FOCAD: variants seen among roughly 807,000 people sequenced by gnomAD.
FOCAD encodes focadhesin.
A neutral mutation model predicts 225.6 loss-of-function variants in FOCAD; 198 were observed. The ratio of observed to expected loss-of-function variants is 0.88; its 90% CI spans 0.78 to 0.99. FOCAD has a LOEUF of 0.99. FOCAD is among the 50% of genes least tolerant of loss of function. The probability of loss-of-function intolerance (pLI) is 0.00; values close to 1 mark genes in which losing one functional copy is unlikely to be tolerated. For synonymous variants in FOCAD, 897 were observed against 755.0 expected, an observed-to-expected ratio of 1.19 and a Z score of -3.08; for missense variants, 2,713 against 2,123.6, an observed-to-expected ratio of 1.28 and a Z score of -5.46.
At chr9:20,913,069 G>A in intron 23 of FOCAD, 115 bp downstream of exon 23, 1 of 751,986 alleles carries the variant, frequency 1.3e-6, no homozygotes, top group Non-Finnish European at 2.2e-6. Context: ...ATGTGAGCCT[G>A]AAGGGGAAAT....
At chr9:20,696,917 A>G (rs931511918) in intron 1 of FOCAD, among the ~76,000 whole-genome samples, 1 of 152,178 alleles carries the variant, frequency 6.6e-6, no homozygotes, top group Admixed American at 6.5e-5. Context: ...ATTGGTGCCA[A>G]TGTAAAAGTC....
intron 4 of FOCAD, among the ~76,000 whole-genome samples, chr9:20,739,898 A>G (rs927863954): frequency 6.6e-6 from 1 of 152,114 alleles, no homozygotes; most frequent in Non-Finnish European, 1.5e-5. Flanking sequence ...GCTAATATTT[A>G]TAAATGAAAT....
chr9:20,915,419 A>G (rs111973302), intron 23 of FOCAD, among the ~76,000 whole-genome samples: 29 of 152,306 alleles, frequency 1.9e-4, no homozygotes, highest in African/African-American at 6.5e-4. Context: ...CTTAAAAGCC[A>G]AGGAAAGAAG....
chr9:20,929,652 T>C, intron 27 of FOCAD, 56 bp downstream of exon 27: 1 of 1,488,710 alleles, frequency 6.7e-7, no homozygotes, highest in East Asian at 2.3e-5. Context: ...TGCAAAGGAT[T>C]TTGCACCCAT....
chr9:20,737,572 G>T (rs1280133804), intron 4 of FOCAD, among the ~76,000 whole-genome samples: 1 of 152,166 alleles, frequency 6.6e-6, no homozygotes, highest in African/African-American at 2.4e-5. Flanking sequence ...CTGATTTTCA[G>T]TTGTATAGAC....
chr9:20,725,473 A>G (rs1383581622), intron 4 of FOCAD, among the ~76,000 whole-genome samples: 2 of 152,244 alleles, frequency 1.3e-5, no homozygotes, highest in Non-Finnish European at 2.9e-5. Flanking sequence ...AGTGAGAAAC[A>G]GCCTTCTATA....
chr9:20,907,232 C>T lies in FOCAD; in HGVS notation c.2708C>T (p.Ala903Val). 1 of 1,612,796 alleles carries T rather than the reference C, an allele frequency of 6.2e-7. No individual in the cohort carries two copies. The highest frequency in any genetic ancestry group is 1.3e-5 in the African/African-American group (1 of 74,888). The stretch of plus-strand genomic sequence containing the variant: ...GCATACATGAATCGAGCTTATCATG[C>T]CATTTTACAGGTAATGAAACCACAG... ...WLAYMNRAYH[A>V]ILQGRLGELE... is the part of the protein sequence containing the mutation. Residue 903 changes from alanine to valine, a missense_variant, in exon 22 of 44, where the codon GCC (alanine) becomes GTC (valine). Physicochemically the swap from Ala to Val is moderately conservative, Grantham distance 64 (BLOSUM62 0). Coordinates refer to ENST00000338382, the MANE Select transcript of FOCAD (RefSeq NM_001375567.1).
At chr9:20,980,299 A>C (rs929534498) in intron 37 of FOCAD, among the ~76,000 whole-genome samples, 2 of 152,186 alleles carry the variant, frequency 1.3e-5, no homozygotes, top group Admixed American at 1.3e-4. Context: ...TTGCCTAGCT[A>C]ATAAAAGAGA....
intron 11 of FOCAD, among the ~76,000 whole-genome samples, chr9:20,794,351 G>A (rs1000775479): frequency 3.3e-5 from 5 of 152,100 alleles, no homozygotes; most frequent in East Asian, 1.9e-4. Flanking sequence ...TTGCCATAGT[G>A]TATATATGGA....
In FOCAD at chr9:20,885,135, T is replaced by C. The variant is rs1831002155; in HGVS notation, c.2530T>C (p.Ser844Pro). The C allele has an allele frequency of 1.3e-6, 2 of 1,509,320 alleles. No individual in the cohort carries two copies. The highest frequency in any genetic ancestry group is 1.8e-6 in the Non-Finnish European group (2 of 1,127,244). The allele number at this position is 1,509,320 out of a possible 1,614,324, so 93.5% of individuals were successfully genotyped here. The part of the protein sequence containing the change: ...AGGMLFCYDV[S>P]MYQSKDGKPL... ...TGGTATGTTATTTTGCTATGATGTT[T>C]CCATGTATCAGAGTAAAGATGGAAA... Residue 844 changes from serine (S) to proline (P), a missense_variant, in exon 21 of 44, where the codon TCC (serine) becomes CCC (proline). Ser to Pro is a moderately conservative substitution (Grantham distance 74). Coordinates refer to ENST00000338382, the MANE Select transcript of FOCAD (RefSeq NM_001375567.1).
intron 11 of FOCAD, among the ~76,000 whole-genome samples, chr9:20,816,462 T>C (rs559696556): frequency 6.6e-6 from 1 of 152,312 alleles, no homozygotes; most frequent in South Asian, 2.1e-4. Context: ...TCCAATCAAG[T>C]CTCTGCACTT....
At chr9:20,740,826 A>G (rs1827555494) in intron 5 of FOCAD, among the ~76,000 whole-genome samples, 1 of 152,332 alleles carries the variant, frequency 6.6e-6, no homozygotes, top group East Asian at 1.9e-4. Flanking sequence ...GTAATAAGGT[A>G]GAATTGTTTT....
chr9:20,770,673 G>A lies in FOCAD; in HGVS notation c.906+435G>A, dbSNP rs556332397. 2.0e-5 allele frequency among the ~76,000 whole-genome samples: 3 copies of A among 152,264 alleles called. No homozygotes were observed. The East Asian group carries it at 5.8e-4, about 29-fold the overall frequency. On this transcript the variant is annotated intron_variant, in intron 8 of 43. Coordinates refer to ENST00000338382, the MANE Select transcript of FOCAD (RefSeq NM_001375567.1). ...TAGATCCAAACCATATCAGATAGAC[G>A]TTTTATTGTGTCAGTTATCACTCAA...
intron 40 of FOCAD, 34 bp downstream of exon 40, chr9:20,986,499 G>A (rs772439731): frequency 1.3e-6 from 2 of 1,542,050 alleles, no homozygotes; most frequent in Non-Finnish European, 8.7e-7. Flanking sequence ...TCAGAAACAG[G>A]AATAGATCTG....
At chr9:20,716,091 G>T in intron 2 of FOCAD, 1 of 459,258 alleles carries the variant, frequency 2.2e-6, no homozygotes, top group Non-Finnish European at 4.8e-6. Flanking sequence ...CTTCGGAGAT[G>T]TCTGCTGTGG....
chr9:20,930,551 A>G (rs1835370825), intron 27 of FOCAD, among the ~76,000 whole-genome samples: 2 of 152,232 alleles, frequency 1.3e-5, no homozygotes, highest in South Asian at 4.1e-4. Flanking sequence ...GATAAACTGG[A>G]TGACACTATG....
chr9:20,862,609 T>C lies in FOCAD; in HGVS notation c.1952T>C (p.Leu651Pro). The C allele has an allele frequency of 6.2e-7, 1 of 1,613,402 alleles. No individual in the cohort carries two copies. Residue 651 changes from leucine (L) to proline (P), a missense_variant, in exon 16 of 44, where the codon CTC (leucine) becomes CCC (proline). Physicochemically the swap from Leu to Pro is moderately conservative, Grantham distance 98. Coordinates refer to ENST00000338382, the MANE Select transcript of FOCAD (RefSeq NM_001375567.1). ...TGCATTCGCTCCACTTGGAATGCTC[T>C]CTCTCCAAAGCTGAGTTGTGACACA... ...VVCIRSTWNA[L>P]SPKLSCDTRP... is the part of the protein sequence containing the mutation.
intron 28 of FOCAD, among the ~76,000 whole-genome samples, chr9:20,934,900 A>C (rs1835813246): frequency 6.6e-6 from 1 of 152,196 alleles, no homozygotes; most frequent in Non-Finnish European, 1.5e-5. Flanking sequence ...TAAGATACTT[A>C]GGAATATACC....
chr9:20,899,379 G>A (rs1324502301), intron 21 of FOCAD, among the ~76,000 whole-genome samples: 2 of 151,852 alleles, frequency 1.3e-5, no homozygotes, highest in Non-Finnish European at 2.9e-5. Flanking sequence ...AGGTTTTCCT[G>A]CCCCAGCCCT....
Sources: allele counts gnomAD v4.1 joint callset (sites outside exome capture counted in the v4.1 genomes callset), GRCh38; gene constraint gnomAD v4.1.1; transcripts MANE v1.5; gene names NCBI Gene and HGNC (gene_info 2026-07-23, HGNC 2026-07-21).